The following FOXRED2 variants were observed in gnomAD, a reference collection of about 807,000 sequenced individuals.
The protein encoded by FOXRED2 is FAD dependent oxidoreductase domain containing 2, also known as FAD-dependent oxidoreductase domain-containing protein 2.
In FOXRED2, 32 loss-of-function variants were observed where a neutral mutation model predicts 52.5. The ratio of observed to expected loss-of-function variants is 0.61; its 90% CI spans 0.46 to 0.82. The LOEUF (loss-of-function observed/expected upper bound fraction) is 0.82, where lower values mean the gene tolerates loss of function less well. Ranked by LOEUF, FOXRED2 falls within the 40% of genes least tolerant of loss-of-function variation. FOXRED2 has a pLI of 0.00. For missense variants in FOXRED2, 848 were observed against 937.5 expected (o/e 0.90, Z 1.25); for synonymous variants, 405 against 398.1 (o/e 1.02, Z -0.21).
At chr22:36,493,927 C>T (rs954047652) in intron 7 of FOXRED2, 124 bp from the exon 8 acceptor site, 6 of 774,480 alleles carry the variant, frequency 7.7e-6, no homozygotes, top group Middle Eastern at 3.8e-4. Context: ...TCGGCTTTCC[C>T]GACAGCCTCC....
rs772266885 is a variant in FOXRED2, at chr22:36,506,227, C to T, written c.196G>A (p.Gly66Ser). 5 of 1,613,690 alleles carry T rather than the reference C, an allele frequency of 3.1e-6. No homozygotes were observed. The highest frequency in any genetic ancestry group is 2.7e-5 in the African/African-American group (2 of 74,938). ...CGCGGGTAGCGTGTGAAGAAGCTGC[C>T]GGGCCGCGGGGCCCGCTCGAACACT... is the stretch of plus-strand genomic sequence containing the variant. ...YAVFERAPRPGSFFTRYPRHR... is the reference protein window; with the variant it reads ...YAVFERAPRPSSFFTRYPRHR... The change falls in exon 2 of 9, where the codon GGC becomes AGC. Residue 66 changes from glycine (G) to serine (S), a missense_variant. Coordinates refer to ENST00000397224, the MANE Select transcript of FOXRED2 (RefSeq NM_001102371.2).
At position 36,501,605 on chromosome 22, in the gene FOXRED2, C is replaced by T. The variant is rs183164319; in HGVS notation, c.1050-198G>A. ...CCTCCCGAGTAGCTGGGATTATAGG[C>T]TCCTGCCACCATGCCCAGCTAATTT... On this transcript the variant is annotated intron_variant, in intron 4 of 8. Coordinates refer to ENST00000397224, the MANE Select transcript of FOXRED2 (RefSeq NM_001102371.2). Among the ~76,000 whole-genome samples the T allele has an allele frequency of 1.1e-4, 16 of 152,200 alleles. No individual in the cohort carries two copies. The East Asian group carries it at 3.1e-3, about 29-fold the overall frequency.
chr22:36,493,467 C>T (rs1933812273), intron 8 of FOXRED2, among the ~76,000 whole-genome samples, 166 bp downstream of exon 8: 1 of 151,840 alleles, frequency 6.6e-6, no homozygotes, highest in African/African-American at 2.4e-5. Flanking sequence ...ACATATTATC[C>T]ATTATTTTTA....
At chr22:36,504,438 G>A in intron 3 of FOXRED2, 71 bp from the exon 4 acceptor site, 1 of 1,608,182 alleles carries the variant, frequency 6.2e-7, no homozygotes, top group Non-Finnish European at 8.5e-7. Flanking sequence ...GGTCAGGAAG[G>A]GCAGGGGAGG....
intron 4 of FOXRED2, among the ~76,000 whole-genome samples, chr22:36,503,353 A>G (rs1190102106): frequency 6.8e-6 from 1 of 147,030 alleles, no homozygotes; most frequent in Admixed American, 6.9e-5. Context: ...CTCGTCACCC[A>G]GGCTGGAGTG....
rs773930133 is a variant in FOXRED2, at chr22:36,506,024, C to G, written c.399G>C (p.Ala133=). The change falls in exon 2 of 9, where the codon GCG becomes GCC. Residue 133 remains alanine (A), a synonymous_variant. Coordinates refer to ENST00000397224, the MANE Select transcript of FOXRED2 (RefSeq NM_001102371.2). ...ACTGGACACGGAGCCCCAGCGTGTC[C>G]GCGAAGTCACCCAGGTAGCGCACCA... ...RDMVRYLGDF[A]DTLGLRVQYN... The G allele has an allele frequency of 1.2e-6, 2 of 1,614,218 alleles. No individual in the cohort carries two copies. Among genetic ancestry groups the G allele is most frequent in the Admixed American group, 3.3e-5 (2 of 60,032 alleles).
At chr22:36,498,717 T>C (rs912317503) in intron 5 of FOXRED2, among the ~76,000 whole-genome samples, 1 of 152,178 alleles carries the variant, frequency 6.6e-6, no homozygotes, top group Non-Finnish European at 1.5e-5. Flanking sequence ...ATATTTTTTA[T>C]TTTATTTTTT....
At chr22:36,492,381 C>T (rs1933779244) in intron 8 of FOXRED2, among the ~76,000 whole-genome samples, 1 of 152,238 alleles carries the variant, frequency 6.6e-6, no homozygotes, top group African/African-American at 2.4e-5. Context: ...TCCAAGGCAG[C>T]AGCACACAGT....
Position 36,496,047 on chromosome 22 carries a change from C to T in FOXRED2, c.1544G>A (p.Arg515Gln), listed in dbSNP as rs1359903203. ...GGCATCTTCTGTGTGCCCCACAGAC[C>T]GGTCATCAAAGAAGACGTCCTTGTC... ...GPDKDVFFDD[R>Q]SVGHTEDAWQ... The change falls in exon 7 of 9, where the codon CGG (arginine) becomes CAG (glutamine). Residue 515 changes from arginine to glutamine, a missense_variant. Physicochemically the swap from Arg to Gln is conservative, Grantham distance 43. Transcript: ENST00000397224. The T allele has an allele frequency of 5.0e-6, 8 of 1,614,052 alleles. No individual in the cohort carries two copies. The highest frequency in any genetic ancestry group is 2.2e-5 in the East Asian group (1 of 44,896).
At position 36,501,275 on chromosome 22, in the gene FOXRED2, A is replaced by C. The variant is rs1934034907; in HGVS notation, c.1182T>G (p.Ser394=). 5 of 1,614,136 alleles carry C rather than the reference A, an allele frequency of 3.1e-6. No individual in the cohort carries two copies. The highest frequency in any genetic ancestry group is 4.2e-6 in the Non-Finnish European group (5 of 1,180,022). The change falls in exon 5 of 9, where the codon TCT becomes TCG. Residue 394 remains serine, a synonymous_variant. Coordinates refer to ENST00000397224, the MANE Select transcript of FOXRED2 (RefSeq NM_001102371.2). ...GGAATCCGTGGATGAAGCCCCCAGC[A>C]GATTTCCGGTAGTCCACCGAGTGGC... ...TASHSVDYRK[S]AGGFIHGFRY...
At chr22:36,506,543 GA>G in intron 1 of FOXRED2, 120 bp from the exon 2 acceptor site, 2 of 1,012,058 alleles carry the variant, frequency 2.0e-6, no homozygotes, top group Non-Finnish European at 1.4e-6. Context: ...GCCAGGCCCA[GA>G]AGCCGTCCTC....
At position 36,490,115 on chromosome 22, in the gene FOXRED2, G is replaced by GCCT. The variant is rs758199035; in HGVS notation, c.1945_1947dup (p.Arg650dup). The GCCT allele has an allele frequency of 3.1e-6, 5 of 1,613,800 alleles. No individual in the cohort carries two copies. In the South Asian group the frequency reaches 5.5e-5, roughly 18 times the overall value. ...AGCTGCTGGCTGCTGTCCTCCAGGC[G>GCCT]CCTGCCTGTGGGGGCATAGTCCCGC... On this transcript the variant is annotated inframe_insertion, in exon 9 of 9. Coordinates refer to ENST00000397224, the MANE Select transcript of FOXRED2 (RefSeq NM_001102371.2).
chr22:36,493,332 G>C (rs1427670089), intron 8 of FOXRED2, among the ~76,000 whole-genome samples: 1 of 152,138 alleles, frequency 6.6e-6, no homozygotes, highest in Non-Finnish European at 1.5e-5. Context: ...CCAGCTTCTT[G>C]GGAGGCTGAG....
Position 36,496,008 on chromosome 22 carries a change from A to AAGTT in FOXRED2, c.1579_1582dup (p.Phe528Ter). The AAGTT allele has an allele frequency of 3.7e-6, 6 of 1,614,218 alleles. No homozygotes were observed. Among genetic ancestry groups the AAGTT allele is most frequent in the Non-Finnish European group, 5.1e-6 (6 of 1,180,040 alleles). ...ATAGTAGTAGATGACAGGATGAAGAAAGTTAGACTGCCAGGCATCTTCTGT... is the reference window on the plus strand; with the variant it reads ...ATAGTAGTAGATGACAGGATGAAGAAAGTTAGTTAGACTGCCAGGCATCTTCTGT... On this transcript the variant is annotated stop_gained and frameshift_variant, in exon 7 of 9. Transcript: ENST00000397224. LOFTEE classifies it high-confidence loss of function.
intron 7 of FOXRED2, among the ~76,000 whole-genome samples, chr22:36,494,014 GC>G (rs1208879224): frequency 6.6e-6 from 1 of 152,252 alleles, no homozygotes; most frequent in Non-Finnish European, 1.5e-5. Flanking sequence ...GAGGAACTAG[GC>G]TTTTCCCTTG....
At chr22:36,498,236 T>G (rs11089794) in intron 5 of FOXRED2, 80 bp from the exon 6 acceptor site, 12 of 1,511,668 alleles carry the variant, frequency 7.9e-6, no homozygotes, top group Non-Finnish European at 1.1e-5. Context: ...CCAGGCCTCA[T>G]TGACCCCTGA....
chr22:36,499,150 A>T (rs1603495102), intron 5 of FOXRED2, among the ~76,000 whole-genome samples: 1 of 152,090 alleles, frequency 6.6e-6, no homozygotes, highest in Admixed American at 6.6e-5. Flanking sequence ...CGAACTTCTG[A>T]CCTAAGCTGA....
rs1409638815 is a variant in FOXRED2 at position 36,490,057 on chromosome 22, GCCAGGGGGGAAC to G, written c.1994_2005del (p.Gly665_Leu668del). On this transcript the variant is annotated inframe_deletion, in exon 9 of 9. Coordinates refer to ENST00000397224, the MANE Select transcript of FOXRED2 (RefSeq NM_001102371.2). Reference sequence around the variant, plus strand: ...GACGGACTGAGCCAGAGGCCCTGGAGCCAGGGGGGAACCTAGTGGCTCTTGGTCGCCAAGCTG... The same window carrying G: ...GACGGACTGAGCCAGAGGCCCTGGAGCTAGTGGCTCTTGGTCGCCAAGCTG... The G allele has an allele frequency of 6.2e-7, 1 of 1,611,726 alleles. No homozygotes were observed. Among genetic ancestry groups the G allele is most frequent in the African/African-American group, 1.3e-5 (1 of 74,870 alleles).
rs940215282 is a variant in FOXRED2, at chr22:36,497,872, C to A, written c.1382+119G>T. 3 of 1,121,854 alleles carry A rather than the reference C, an allele frequency of 2.7e-6. No individual in the cohort carries two copies. The South Asian group carries it at 4.4e-5, about 17-fold the overall frequency. 69.5% of individuals were successfully genotyped at this position (1,121,854 alleles called of 1,614,324 possible). A position where few individuals can be genotyped will look rare whatever the true frequency, so the allele number is the denominator to read the frequency against. On this transcript the variant is annotated intron_variant, in intron 6 of 8. Coordinates refer to ENST00000397224, the MANE Select transcript of FOXRED2 (RefSeq NM_001102371.2). ...TTCCCCAGAACAGGCATGTTCCCCA[C>A]AGCAGCCTTCATCTTAGGAAAGAAC...
Sources: gnomAD v4.1 joint callset for allele counts (sites outside exome capture counted in the v4.1 genomes callset) on GRCh38, gnomAD v4.1.1 for gene constraint, MANE v1.5 for transcripts, NCBI Gene and HGNC (gene_info 2026-07-23, HGNC 2026-07-21) for gene names.